Variants in AGAP1 observed in about 807,000 individuals in gnomAD.
AGAP1 encodes the protein ArfGAP with GTPase domain, ankyrin repeat and PH domain 1, also known as arf-GAP with GTPase, ANK repeat and PH domain-containing protein 1.
In AGAP1, 29 loss-of-function variants were observed where a neutral mutation model predicts 105.3. The observed-to-expected ratio is 0.28, with a 90% CI of 0.21 to 0.38. AGAP1 has a LOEUF of 0.38. Ranked by LOEUF, AGAP1 falls within the 10% of genes least tolerant of loss-of-function variation. The probability of loss-of-function intolerance (pLI) is 1.00; values close to 1 mark genes in which losing one functional copy is unlikely to be tolerated. For missense variants in AGAP1, 998 were observed against 1,165.1 expected (o/e 0.86, Z 2.09); for synonymous variants, 509 against 485.9 (o/e 1.05, Z -0.63).
chr2:235,686,655 ATATATATATATTTTT>A, intron 1 of AGAP1, among the ~76,000 whole-genome samples: 1 of 55,820 alleles, frequency 1.8e-5, no homozygotes, highest in African/African-American at 1.4e-4. Context: ...AGATATATAT[ATATATATATATTTTT>A]TTTTTTTTTT....
rs1325596365 is a variant in AGAP1, at chr2:235,981,073, T to G, written c.1645+12450T>G. Reference sequence around the variant, plus strand: ...TTCTAAGGTGTTTTATTTTTTTGTTTTAACATTTTGTGCAAGGCTAAGGAA... The same window carrying G: ...TTCTAAGGTGTTTTATTTTTTTGTTGTAACATTTTGTGCAAGGCTAAGGAA... On this transcript the variant is annotated intron_variant, in intron 13 of 17. Coordinates refer to ENST00000304032, the MANE Select transcript of AGAP1 (RefSeq NM_001037131.3). The surrounding 1 kb of genome is among the most constrained non-coding windows in gnomAD (Gnocchi z 5.5). Among the ~76,000 whole-genome samples the G allele has an allele frequency of 6.6e-6, 1 of 152,182 alleles. No individual in the cohort carries two copies. The highest frequency in any genetic ancestry group is 1.5e-5 in the Non-Finnish European group (1 of 68,040).
Position 236,126,459 on chromosome 2 carries a change from T to A in AGAP1, c.*2337T>A, listed in dbSNP as rs1357020257. ...AATGCTTTATCATAGTGAAGTTTCT[T>A]TTGAGAAGAAACGGAACTCCTTGAG... On this transcript the variant is annotated 3_prime_UTR_variant, in exon 18 of 18. Coordinates refer to ENST00000304032, the MANE Select transcript of AGAP1 (RefSeq NM_001037131.3). The A allele has an allele frequency of 6.6e-6, 1 of 152,262 alleles. No individual in the cohort carries two copies. Among genetic ancestry groups the A allele is most frequent in the Middle Eastern group, 3.2e-3 (1 of 316 alleles). The allele number at this position is 152,262 out of a possible 1,614,324, so 9.4% of individuals were successfully genotyped here.
chr2:235,731,960 G>A (rs547765192), intron 3 of AGAP1, among the ~76,000 whole-genome samples: 40 of 152,274 alleles, frequency 2.6e-4, no homozygotes, highest in African/African-American at 9.1e-4. Context: ...AATGGAAGGG[G>A]CAGCCGTGGC....
Position 236,120,952 on chromosome 2 carries a change from G to T in AGAP1, c.2370+505G>T, listed in dbSNP as rs2059883094. Among the ~76,000 whole-genome samples the T allele has an allele frequency of 6.6e-6, 1 of 152,252 alleles. No homozygotes were observed. Among genetic ancestry groups the T allele is most frequent in the Admixed American group, 6.5e-5 (1 of 15,288 alleles). On this transcript the variant is annotated intron_variant, in intron 17 of 17. Coordinates refer to ENST00000304032, the MANE Select transcript of AGAP1 (RefSeq NM_001037131.3). The surrounding 1 kb of genome is among the most constrained non-coding windows in gnomAD (Gnocchi z 6.0). ...GAAGCATGTGTCACAATGCTTGAAG[G>T]AGTGAAAGAGAAGGATAAAGTGGTT...
chr2:235,869,670 A>G (rs140468968), intron 9 of AGAP1, among the ~76,000 whole-genome samples: 99 of 152,334 alleles, frequency 6.5e-4, no homozygotes, highest in Non-Finnish European at 1.1e-3. Flanking sequence ...TGGGCAGGGC[A>G]TATTGGGGAC....
chr2:235,811,884 C>G (rs993680893), intron 9 of AGAP1, among the ~76,000 whole-genome samples: 6 of 152,218 alleles, frequency 3.9e-5, no homozygotes, highest in African/African-American at 1.4e-4. Flanking sequence ...ATTTGATCAC[C>G]TGGCTGATGT....
intron 13 of AGAP1, among the ~76,000 whole-genome samples, chr2:236,028,984 T>C (rs1371509497): frequency 6.6e-6 from 1 of 152,214 alleles, no homozygotes. Context: ...ACTTATTTTC[T>C]TGCAGAGGTT....
intron 9 of AGAP1, among the ~76,000 whole-genome samples, chr2:235,820,113 C>T (rs746096049): frequency 3.3e-5 from 5 of 151,898 alleles, no homozygotes; most frequent in South Asian, 2.1e-4. Context: ...ATGTTCAGGC[C>T]GGTCTTCAAG....
intron 1 of AGAP1, among the ~76,000 whole-genome samples, chr2:235,640,040 T>C (rs901346591): frequency 6.6e-6 from 1 of 152,250 alleles, no homozygotes; most frequent in African/African-American, 2.4e-5. Context: ...GGCAACCTAA[T>C]TGCATTTCTT....
chr2:236,027,586 T>G lies in AGAP1; in HGVS notation c.1646-8975T>G, dbSNP rs10203423. On this transcript the variant is annotated intron_variant, in intron 13 of 17. Coordinates refer to ENST00000304032, the MANE Select transcript of AGAP1 (RefSeq NM_001037131.3). The surrounding 1 kb of genome is among the most constrained non-coding windows in gnomAD (Gnocchi z 4.4). ...AGATGTTTGCATCACAGTTCAGCCCTGGTCCCCATCAGCACAGCCTGCCTG... is the reference window on the plus strand; with the variant it reads ...AGATGTTTGCATCACAGTTCAGCCCGGGTCCCCATCAGCACAGCCTGCCTG... 6.6e-6 allele frequency among the ~76,000 whole-genome samples: 1 copy of G among 152,036 alleles called. No homozygotes were observed. The highest frequency in any genetic ancestry group is 1.5e-5 in the Non-Finnish European group (1 of 68,020).
Position 235,792,821 on chromosome 2 carries a change from ACACAACTCTAGAAGG to A in AGAP1, c.674-4935_674-4921del, listed in dbSNP as rs1957060219. Among the ~76,000 whole-genome samples the A allele has an allele frequency of 2.0e-5, 3 of 152,302 alleles. No homozygotes were observed. In the South Asian group the frequency reaches 6.2e-4, roughly 32 times the overall value. On this transcript the variant is annotated intron_variant, in intron 6 of 17. Transcript: ENST00000304032. The surrounding 1 kb of genome is among the most constrained non-coding windows in gnomAD (Gnocchi z 5.3). ...GGAGATGCCGAGTTGGTCATTGGCTACACAACTCTAGAAGGCAGGATGTGAGGCAGAGCTCTTCGT... is the reference window on the plus strand; with the variant it reads ...GGAGATGCCGAGTTGGTCATTGGCTACAGGATGTGAGGCAGAGCTCTTCGT...
At position 235,559,114 on chromosome 2, in the gene AGAP1, G is replaced by T. The variant is rs576006638; in HGVS notation, c.163+64265G>T. ...ATATTTTGTATTCGTGTGTGTGTAG[G>T]TGGGGTCTTGCCATGTTGCCCAGGC... On this transcript the variant is annotated intron_variant, in intron 1 of 17. Transcript: ENST00000304032. This position sits in a 1 kb window ranked among gnomAD's most constrained non-coding sequence, Gnocchi z 5.7. Among the ~76,000 whole-genome samples the T allele has an allele frequency of 1.3e-5, 2 of 152,048 alleles. No homozygotes were observed. Among genetic ancestry groups the T allele is most frequent in the African/African-American group, 4.8e-5 (2 of 41,398 alleles).
Position 235,752,331 on chromosome 2 carries a change from C to T in AGAP1, c.673+1843C>T, listed in dbSNP as rs1272460239. On this transcript the variant is annotated intron_variant, in intron 6 of 17. Coordinates refer to ENST00000304032, the MANE Select transcript of AGAP1 (RefSeq NM_001037131.3). This position sits in a 1 kb window ranked among gnomAD's most constrained non-coding sequence, Gnocchi z 4.3. ...TAGCTGGAATTACAGGTACACGCTG[C>T]CACACCTGGCTAATTTTTTGCATTT... Among the ~76,000 whole-genome samples the T allele has an allele frequency of 6.6e-6, 1 of 152,038 alleles. No individual in the cohort carries two copies. Among genetic ancestry groups the T allele is most frequent in the African/African-American group, 2.4e-5 (1 of 41,310 alleles).
intron 1 of AGAP1, among the ~76,000 whole-genome samples, chr2:235,561,425 A>G (rs1310908213): frequency 6.6e-6 from 1 of 152,108 alleles, no homozygotes; most frequent in Non-Finnish European, 1.5e-5. Context: ...ATTTTTCTTT[A>G]TTCCTACTCG....
intron 13 of AGAP1, among the ~76,000 whole-genome samples, chr2:236,028,517 C>T (rs370027852): frequency 3.9e-4 from 60 of 152,240 alleles, no homozygotes; most frequent in African/African-American, 1.3e-3. Flanking sequence ...TGCTTAAATA[C>T]GATTTTTGTT....
chr2:235,542,217 C>CT (rs1559235772), intron 1 of AGAP1, among the ~76,000 whole-genome samples: 1 of 149,066 alleles, frequency 6.7e-6, no homozygotes, highest in African/African-American at 2.5e-5. Context: ...CAGTGGGTCC[C>CT]GGGGGGGGGC....
chr2:235,567,532 A>G (rs1336800212), intron 1 of AGAP1, among the ~76,000 whole-genome samples: 11 of 152,080 alleles, frequency 7.2e-5, no homozygotes, highest in Non-Finnish European at 1.5e-4. Flanking sequence ...TGCGCTGTCC[A>G]TCTGTATGGG....
At chr2:235,924,928 C>T (rs2052370963) in intron 11 of AGAP1, among the ~76,000 whole-genome samples, 1 of 143,270 alleles carries the variant, frequency 7.0e-6, no homozygotes, top group African/African-American at 2.8e-5. Context: ...GCAGAGAGCA[C>T]CTGCCCGTGT....
rs552045227 is a variant in AGAP1 at position 235,916,075 on chromosome 2, A to T, written c.1324+7169A>T. ...AAAGACGACTACTAATCAAATGAAG[A>T]TAGAAAAAAAAGACATCTTTAGACA... On this transcript the variant is annotated intron_variant, in intron 11 of 17. Transcript: ENST00000304032. Among the ~76,000 whole-genome samples, 32 of 152,320 alleles carry T rather than the reference A, an allele frequency of 2.1e-4. No individual in the cohort carries two copies. In the South Asian group the frequency reaches 6.6e-3, roughly 32 times the overall value.
Sources: gnomAD v4.1 joint callset for allele counts (sites outside exome capture counted in the v4.1 genomes callset) on GRCh38, gnomAD v4.1.1 for gene constraint, Gnocchi (gnomAD v3.1) non-coding constraint, MANE v1.5 for transcripts, NCBI Gene and HGNC (gene_info 2026-07-23, HGNC 2026-07-21) for gene names.